CNOT4: variants seen among roughly 807,000 people sequenced by gnomAD.
CNOT4 encodes CCR4-associated factor 4.
A neutral mutation model predicts 73.8 loss-of-function variants in CNOT4; 8 were observed. The observed-to-expected ratio is 0.11, with a 90% CI of 0.06 to 0.20. CNOT4 has a LOEUF of 0.20. Ranked by LOEUF, CNOT4 falls within the 10% of genes least tolerant of loss-of-function variation. The pLI is 1.00. For synonymous variants in CNOT4, 293 were observed against 321.1 expected, an observed-to-expected ratio of 0.91 and a Z score of 0.94; for missense variants, 564 against 883.4, an observed-to-expected ratio of 0.64 and a Z score of 4.58.
chr7:135,493,323 G>A (rs1212722256), intron 1 of CNOT4, among the ~76,000 whole-genome samples: 1 of 152,128 alleles, frequency 6.6e-6, no homozygotes, highest in East Asian at 1.9e-4. Context: ...TACCATGCCT[G>A]GCCAGGAAAT....
At chr7:135,459,795 C>G (rs1016343230) in intron 1 of CNOT4, among the ~76,000 whole-genome samples, 3 of 152,154 alleles carry the variant, frequency 2.0e-5, no homozygotes, top group African/African-American at 4.8e-5. Context: ...AGCTTTGAAG[C>G]CTTGAAGCCA....
intron 1 of CNOT4, among the ~76,000 whole-genome samples, chr7:135,438,774 A>G (rs140587894): frequency 6.6e-6 from 1 of 152,358 alleles, no homozygotes; most frequent in East Asian, 1.9e-4. Context: ...ATATTGCCAC[A>G]TAACTAGAAG....
intron 7 of CNOT4, among the ~76,000 whole-genome samples, chr7:135,404,635 C>T (rs958452992): frequency 1.3e-5 from 2 of 152,126 alleles, no homozygotes; most frequent in Non-Finnish European, 2.9e-5. Flanking sequence ...AGTGACCATT[C>T]CCATTCTGCT....
chr7:135,396,206 C>G (rs992922908), intron 8 of CNOT4, among the ~76,000 whole-genome samples: 1 of 147,746 alleles, frequency 6.8e-6, no homozygotes, highest in Non-Finnish European at 1.5e-5. Flanking sequence ...CAACCTCGGC[C>G]TCCGGGGTTC....
intron 10 of CNOT4, among the ~76,000 whole-genome samples, chr7:135,365,805 G>A (rs989899197): frequency 3.9e-5 from 6 of 152,064 alleles, no homozygotes; most frequent in African/African-American, 7.2e-5. Context: ...TGGACTTTGC[G>A]GCCAGGAGAA....
At chr7:135,417,454 T>A (rs895271998) in intron 3 of CNOT4, among the ~76,000 whole-genome samples, 2 of 152,228 alleles carry the variant, frequency 1.3e-5, no homozygotes, top group Admixed American at 6.5e-5. Context: ...CAAGAAGTCA[T>A]TTCATGAAAG....
intron 1 of CNOT4, among the ~76,000 whole-genome samples, chr7:135,485,232 C>T (rs1563077538): frequency 6.6e-6 from 1 of 152,092 alleles, no homozygotes; most frequent in Non-Finnish European, 1.5e-5. Context: ...GCCGCCACAC[C>T]CAGCTAATTT....
At chr7:135,495,754 GAA>G (rs1803522957) in intron 1 of CNOT4, among the ~76,000 whole-genome samples, 2 of 115,656 alleles carry the variant, frequency 1.7e-5, no homozygotes, top group Non-Finnish European at 3.7e-5. Flanking sequence ...AAGAAAGAAA[GAA>G]AGAAAGAAAT....
chr7:135,497,189 C>T (rs1803644320), intron 1 of CNOT4, among the ~76,000 whole-genome samples: 1 of 151,944 alleles, frequency 6.6e-6, no homozygotes, highest in African/African-American at 2.4e-5. Context: ...AGGCGGATTG[C>T]TTGAGGCCAG....
chr7:135,490,334 A>G lies in CNOT4; in HGVS notation c.-93+19555T>C, dbSNP rs371819803. ...AGAGCGAAAAGTCCTAAGAAATATA[A>G]TATTTCCATCTGGGAGTATGAGAAA... On this transcript the variant is annotated intron_variant, in intron 1 of 11. Transcript: ENST00000541284. Among the ~76,000 whole-genome samples, 9 of 152,348 alleles carry G rather than the reference A, an allele frequency of 5.9e-5. No individual in the cohort carries two copies. In the East Asian group the frequency reaches 1.5e-3, roughly 26 times the overall value.
At chr7:135,483,657 C>T (rs893893392) in intron 1 of CNOT4, among the ~76,000 whole-genome samples, 1 of 152,002 alleles carries the variant, frequency 6.6e-6, no homozygotes, top group African/African-American at 2.4e-5. Flanking sequence ...AACCCCGTCT[C>T]TACAAAAAAT....
At chr7:135,384,094 T>G (rs1795985269) in intron 10 of CNOT4, among the ~76,000 whole-genome samples, 1 of 152,158 alleles carries the variant, frequency 6.6e-6, no homozygotes, top group African/African-American at 2.4e-5. Flanking sequence ...CTGGGCTTAT[T>G]CTCACAAAAG....
At chr7:135,474,210 C>T (rs1352826929) in intron 1 of CNOT4, among the ~76,000 whole-genome samples, 1 of 150,858 alleles carries the variant, frequency 6.6e-6, no homozygotes, top group African/African-American at 2.4e-5. Flanking sequence ...GAACTCTTGA[C>T]CTCATGATGC....
chr7:135,417,089 G>T (rs1797915090), intron 3 of CNOT4, among the ~76,000 whole-genome samples: 1 of 152,132 alleles, frequency 6.6e-6, no homozygotes. Context: ...GTAACAATCT[G>T]CATTTGTAGT....
intron 1 of CNOT4, among the ~76,000 whole-genome samples, chr7:135,477,349 A>AC (rs1188669291): frequency 6.6e-6 from 1 of 152,040 alleles, no homozygotes; most frequent in African/African-American, 2.4e-5. Context: ...GTCTCAAAAA[A>AC]AAAAAAAATT....
intron 6 of CNOT4, 59 bp downstream of exon 6, chr7:135,413,429 T>G: frequency 6.3e-7 from 1 of 1,577,934 alleles, no homozygotes; most frequent in South Asian, 1.2e-5. Flanking sequence ...CAATGTTAAC[T>G]AATAAAAAAA....
rs142736534 is a variant in CNOT4, at chr7:135,364,935, T to C, written c.1628-869A>G. On this transcript the variant is annotated intron_variant, in intron 10 of 11. Coordinates refer to ENST00000541284, the MANE Select transcript of CNOT4 (RefSeq NM_001190850.2). This position sits in a 1 kb window ranked among gnomAD's most constrained non-coding sequence, Gnocchi z 4.3. Reference sequence around the variant, plus strand: ...AAAAGGGTGAAGTATAACAACTACCTAATTGTTTAACAAATACTTAGATAG... The same window carrying C: ...AAAAGGGTGAAGTATAACAACTACCCAATTGTTTAACAAATACTTAGATAG... Among the ~76,000 whole-genome samples, 439 of 152,374 alleles carry C rather than the reference T, an allele frequency of 2.9e-3. 2 individuals carry two copies. The highest frequency in any genetic ancestry group is 9.6e-3 in the African/African-American group (400 of 41,594).
intron 10 of CNOT4, among the ~76,000 whole-genome samples, chr7:135,373,051 C>T (rs1795308134): frequency 6.6e-6 from 1 of 152,076 alleles, no homozygotes; most frequent in African/African-American, 2.4e-5. Flanking sequence ...TTGGTTGTTA[C>T]ACAGGGAGAA....
At chr7:135,419,942 CCTCAGGTGGTGGAGACA>C (rs1235209365) in intron 3 of CNOT4, among the ~76,000 whole-genome samples, 10 of 151,530 alleles carry the variant, frequency 6.6e-5, no homozygotes, top group African/African-American at 2.4e-4. Flanking sequence ...AATCCCAGTT[CCTCAGGTGGTGGAGACA>C]GGAGAATCAC....
Sources: gnomAD v4.1 joint callset for allele counts (sites outside exome capture counted in the v4.1 genomes callset) on GRCh38, gnomAD v4.1.1 for gene constraint, Gnocchi (gnomAD v3.1) non-coding constraint, MANE v1.5 for transcripts, NCBI Gene and HGNC (gene_info 2026-07-23, HGNC 2026-07-21) for gene names.